ADGRB2: variants seen among roughly 807,000 people sequenced by gnomAD.
ADGRB2 encodes brain-specific angiogenesis inhibitor 2.
Under a neutral mutation model 178.7 loss-of-function variants are expected in ADGRB2, and 47 were observed. The ratio of observed to expected loss-of-function variants is 0.26; its 90% CI spans 0.21 to 0.34. The LOEUF is 0.34. ADGRB2 is among the 10% of genes least tolerant of loss of function. ADGRB2 has a pLI of 1.00. For synonymous variants in ADGRB2, 870 were observed against 912.4 expected, an observed-to-expected ratio of 0.95 and a Z score of 0.84; for missense variants, 1,584 against 2,180.8, an observed-to-expected ratio of 0.73 and a Z score of 5.45.
In ADGRB2 at chr1:31,758,064, C is replaced by G. The variant is rs1347254096; in HGVS notation, c.-190-553G>C. ...TGCCCACAGCCTGCGCAACCTCTAC[C>G]CAACTGCCCAGAAAATGGAACCTAG... is the stretch of plus-strand genomic sequence containing the variant. On this transcript the variant is annotated intron_variant, in intron 1 of 32. Coordinates refer to ENST00000373658, the MANE Select transcript of ADGRB2 (RefSeq NM_001364857.2). This position sits in a 1 kb window ranked among gnomAD's most constrained non-coding sequence, Gnocchi z 4.2. 1.3e-5 allele frequency among the ~76,000 whole-genome samples: 2 copies of G among 152,176 alleles called. No individual in the cohort carries two copies. Among genetic ancestry groups the G allele is most frequent in the Non-Finnish European group, 1.5e-5 (1 of 68,026 alleles).
rs756383043 is a variant in ADGRB2 at position 31,758,127 on chromosome 1, C to G, written c.-190-616G>C. Among the ~76,000 whole-genome samples, 1 of 152,226 alleles carries G rather than the reference C, an allele frequency of 6.6e-6. No homozygotes were observed. Among genetic ancestry groups the G allele is most frequent in the Non-Finnish European group, 1.5e-5 (1 of 68,030 alleles). ...ATCAGCCCCACTTCCAATCCTACCC[C>G]CCAAGTAATCCAAGCGGCCTCCCTC... On this transcript the variant is annotated intron_variant, in intron 1 of 32. Coordinates refer to ENST00000373658, the MANE Select transcript of ADGRB2 (RefSeq NM_001364857.2). This position sits in a 1 kb window ranked among gnomAD's most constrained non-coding sequence, Gnocchi z 4.2.
intron 25 of ADGRB2, among the ~76,000 whole-genome samples, chr1:31,734,424 T>C (rs978587324): frequency 6.6e-6 from 1 of 151,624 alleles, no homozygotes; most frequent in African/African-American, 2.4e-5. Flanking sequence ...GCAGACGGGG[T>C]GAGGGAGGCA....
At chr1:31,743,150 TC>T in intron 6 of ADGRB2, 148 bp from the exon 7 acceptor site, 1 of 976,608 alleles carries the variant, frequency 1.0e-6, no homozygotes, top group Non-Finnish European at 1.4e-6. Flanking sequence ...CAGGGGGATC[TC>T]CCAGGGCCCC....
In ADGRB2 at chr1:31,733,180, TC is replaced by T; in HGVS notation, c.3453-38del. ...GTGGCAGAGCCCATCAGAGTGACACTCCGGGGGACAGGATGGCTTGAGCCTA... is the reference window on the plus strand; with the variant it reads ...GTGGCAGAGCCCATCAGAGTGACACTCGGGGGACAGGATGGCTTGAGCCTA... On this transcript the variant is annotated intron_variant, in intron 25 of 32. Coordinates refer to ENST00000373658, the MANE Select transcript of ADGRB2 (RefSeq NM_001364857.2). The surrounding 1 kb of genome is among the most constrained non-coding windows in gnomAD (Gnocchi z 4.3). The T allele has an allele frequency of 6.5e-7, 1 of 1,549,680 alleles. No homozygotes were observed. Among genetic ancestry groups the T allele is most frequent in the Non-Finnish European group, 8.7e-7 (1 of 1,147,038 alleles).
chr1:31,747,633 A>G (rs1646343786), intron 4 of ADGRB2, among the ~76,000 whole-genome samples: 1 of 152,096 alleles, frequency 6.6e-6, no homozygotes, highest in African/African-American at 2.4e-5. Context: ...ACTGTCAGAA[A>G]TACCCCCAAC....
At chr1:31,737,793 G>A (rs773890102) in intron 18 of ADGRB2, 38 bp from the exon 19 acceptor site, 1 of 1,587,638 alleles carries the variant, frequency 6.3e-7, no homozygotes, top group Non-Finnish European at 8.6e-7. Context: ...GGGTTCCTGG[G>A]AGGGGGGAGC....
chr1:31,742,787 C>T (rs1471582518), intron 7 of ADGRB2, 51 bp downstream of exon 7: 21 of 1,369,894 alleles, frequency 1.5e-5, no homozygotes, highest in Non-Finnish European at 2.0e-5. Context: ...GTCTCCCGAC[C>T]CCCCACCGGG....
intron 4 of ADGRB2, among the ~76,000 whole-genome samples, chr1:31,749,856 G>A (rs751526712): frequency 1.8e-4 from 28 of 152,092 alleles, no homozygotes; most frequent in Non-Finnish European, 3.8e-4. Flanking sequence ...GTTCGAGGCT[G>A]CAGTAAGTCA....
rs370048975 is a variant in ADGRB2, at chr1:31,738,331, G to A, written c.2646-5C>T. 6.2e-7 allele frequency: 1 copy of A among 1,609,944 alleles called. No individual in the cohort carries two copies. The highest frequency in any genetic ancestry group is 1.4e-5 in the African/African-American group (1 of 71,494). ...CAGTCTCCTGAGCTGGCATCTCTTG[G>A]GTAGGGGAGAGATTCAGTGAGCCCC... On this transcript the variant is annotated splice_polypyrimidine_tract_variant and splice_region_variant and intron_variant, in intron 17 of 32. Transcript: ENST00000373658.
In ADGRB2 at chr1:31,744,615, C is replaced by A; in HGVS notation, c.922+33G>T. On this transcript the variant is annotated intron_variant, in intron 5 of 32. Coordinates refer to ENST00000373658, the MANE Select transcript of ADGRB2 (RefSeq NM_001364857.2). This position sits in a 1 kb window ranked among gnomAD's most constrained non-coding sequence, Gnocchi z 6.7. ...CACCAGACGCACACAGTCGGGCCCC[C>A]GCCGCAGAGGAAGGGAGGCGGGCCC... 6.2e-7 allele frequency: 1 copy of A among 1,610,458 alleles called. No homozygotes were observed. The highest frequency in any genetic ancestry group is 8.5e-7 in the Non-Finnish European group (1 of 1,177,788).
intron 4 of ADGRB2, among the ~76,000 whole-genome samples, chr1:31,750,834 C>T (rs1033432341): frequency 1.3e-5 from 2 of 152,120 alleles, no homozygotes; most frequent in Non-Finnish European, 2.9e-5. Context: ...TCCAATGAAA[C>T]TGGGTACCCC....
chr1:31,752,703 G>C (rs77684343), intron 4 of ADGRB2, among the ~76,000 whole-genome samples: 2,014 of 152,260 alleles, frequency 0.013, 48 homozygotes, highest in African/African-American at 0.046. Flanking sequence ...CTAGGTCCCG[G>C]GTGGGGCTTG....
chr1:31,756,746 T>C lies in ADGRB2; in HGVS notation c.91A>G (p.Thr31Ala), dbSNP rs115604750. The C allele has an allele frequency of 2.3e-4, 360 of 1,563,588 alleles. 2 individuals carry two copies. In the African/African-American group the frequency reaches 4.2e-3, roughly 18 times the overall value. The change falls in exon 4 of 33, where the codon ACC becomes GCC. Residue 31 changes from threonine to alanine, a missense_variant. Physicochemically the swap from Thr to Ala is moderately conservative, Grantham distance 58. Coordinates refer to ENST00000373658, the MANE Select transcript of ADGRB2 (RefSeq NM_001364857.2). This position sits in a 1 kb window ranked among gnomAD's most constrained non-coding sequence, Gnocchi z 8.5. ...LSVILSLRLA[T>A]AFDPAPSACS... Reference sequence around the variant, plus strand: ...GCACTGGGGGCGGGGTCGAAGGCGGTGGCCAGGCGCAGGGACAGAATCACA... The same window carrying C: ...GCACTGGGGGCGGGGTCGAAGGCGGCGGCCAGGCGCAGGGACAGAATCACA...
chr1:31,735,555 CA>C lies in ADGRB2; in HGVS notation c.3353+24del, dbSNP rs1473333036. ...CTCCCTGCACCATTTCCAGAAAGGCCAAGTCTCAGAGGCCCCCCCCTTACCC... is the reference window on the plus strand; with the variant it reads ...CTCCCTGCACCATTTCCAGAAAGGCCAGTCTCAGAGGCCCCCCCCTTACCC... On this transcript the variant is annotated intron_variant, in intron 24 of 32. Transcript: ENST00000373658. This position sits in a 1 kb window ranked among gnomAD's most constrained non-coding sequence, Gnocchi z 6.0. The C allele has an allele frequency of 6.2e-7, 1 of 1,611,264 alleles. No homozygotes were observed. Among genetic ancestry groups the C allele is most frequent in the African/African-American group, 1.3e-5 (1 of 74,798 alleles).
In ADGRB2 at chr1:31,738,912, C is replaced by G; in HGVS notation, c.2521G>C (p.Val841Leu). Reference protein sequence around the residue: ...PRPPLAVTSRVMTVTVRPPTQ... With the variant: ...PRPPLAVTSRLMTVTVRPPTQ... ...GGGGGGCGCACAGTCACTGTCATCA[C>G]CCGGGATGTGACGGCCAGCGGGGGC... The change falls in exon 16 of 33, where the codon GTG becomes CTG. Residue 841 changes from valine (V) to leucine (L), a missense_variant. Coordinates refer to ENST00000373658, the MANE Select transcript of ADGRB2 (RefSeq NM_001364857.2). 2 of 1,613,338 alleles carry G rather than the reference C, an allele frequency of 1.2e-6. No homozygotes were observed. The highest frequency in any genetic ancestry group is 1.7e-6 in the Non-Finnish European group (2 of 1,179,810).
chr1:31,759,531 C>T lies in ADGRB2; in HGVS notation c.-190-2020G>A. ...GGCTGGCTTCTCCAGAATGGAGTCA[C>T]TTTTAACCCAATCCAACCCCCCTCC... On this transcript the variant is annotated intron_variant, in intron 1 of 32. Transcript: ENST00000373658. The surrounding 1 kb of genome is among the most constrained non-coding windows in gnomAD (Gnocchi z 4.3). 3 of 625,364 alleles carry T rather than the reference C, an allele frequency of 4.8e-6. No individual in the cohort carries two copies. The highest frequency in any genetic ancestry group is 8.7e-6 in the Non-Finnish European group (3 of 344,120). The allele number at this position is 625,364 out of a possible 1,614,324, so 38.7% of individuals were successfully genotyped here.
chr1:31,756,480 G>A lies in ADGRB2; in HGVS notation c.357C>T (p.Ala119=), dbSNP rs768642589. 7.4e-6 allele frequency: 12 copies of A among 1,611,814 alleles called. No individual in the cohort carries two copies. In the Admixed American group the frequency reaches 1.5e-4, roughly 20 times the overall value. The change falls in exon 4 of 33, where the codon GCC becomes GCT. Residue 119 remains alanine (A), a synonymous_variant. Coordinates refer to ENST00000373658, the MANE Select transcript of ADGRB2 (RefSeq NM_001364857.2). The surrounding 1 kb of genome is among the most constrained non-coding windows in gnomAD (Gnocchi z 8.5). ...CLRPSPEEAV[A]QAESEVGRPE... is the part of the protein sequence containing the mutation. ...GCCGCCCCACCTCTGACTCCGCCTG[G>A]GCCACCGCCTCCTCGGGGCTAGGCC...
intron 4 of ADGRB2, among the ~76,000 whole-genome samples, chr1:31,751,830 C>T (rs1033976856): frequency 6.6e-6 from 1 of 152,102 alleles, no homozygotes; most frequent in African/African-American, 2.4e-5. Context: ...CTTACTCTTC[C>T]TCTTCCTTTG....
chr1:31,762,866 G>C (rs1169573843), intron 1 of ADGRB2, among the ~76,000 whole-genome samples: 1 of 152,182 alleles, frequency 6.6e-6, no homozygotes, highest in Non-Finnish European at 1.5e-5. Flanking sequence ...CTGGCGAGGC[G>C]GGCAGGCAGG....
Sources: gnomAD v4.1 joint callset for allele counts (sites outside exome capture counted in the v4.1 genomes callset) on GRCh38, gnomAD v4.1.1 for gene constraint, Gnocchi (gnomAD v3.1) non-coding constraint, MANE v1.5 for transcripts, NCBI Gene and HGNC (gene_info 2026-07-23, HGNC 2026-07-21) for gene names.